The following BLM variants were observed in gnomAD, a reference collection of about 807,000 sequenced individuals.
The protein encoded by BLM is BLM RecQ like helicase, also known as recQ-like DNA helicase BLM.
In BLM, 95 loss-of-function variants were observed where a neutral mutation model predicts 135.3. The observed-to-expected ratio is 0.70, with a 90% confidence interval of 0.59 to 0.83. The LOEUF (loss-of-function observed/expected upper bound fraction) is 0.83, where lower values mean the gene tolerates loss of function less well. Ranked by LOEUF, BLM falls within the 40% of genes least tolerant of loss-of-function variation. The probability of loss-of-function intolerance (pLI) is 0.00; values close to 1 mark genes in which losing one functional copy is unlikely to be tolerated. For missense variants in BLM, 1,518 were observed against 1,663.9 expected (o/e 0.91, Z 1.53); for synonymous variants, 520 against 589.2 (o/e 0.88, Z 1.70).
At position 90,815,629 on chromosome 15, in the gene BLM, C is replaced by T. The variant is rs2029895657; in HGVS notation, c.*350C>T. The T allele has an allele frequency of 3.3e-6, 1 of 302,376 alleles. No homozygotes were observed. Among genetic ancestry groups the T allele is most frequent in the Non-Finnish European group, 6.2e-6 (1 of 160,670 alleles). 18.7% of individuals were successfully genotyped at this position (302,376 alleles called of 1,614,324 possible). ...AACTAAAGCTTTTCGTGTAAGACAA[C>T]ACAAACAAAATTTAAAGACAAATGA... On this transcript the variant is annotated 3_prime_UTR_variant, in exon 22 of 22. Coordinates refer to ENST00000355112, the MANE Select transcript of BLM (RefSeq NM_000057.4). The surrounding 1 kb of genome is among the most constrained non-coding windows in gnomAD (Gnocchi z 4.6).
intron 19 of BLM, 131 bp downstream of exon 19, chr15:90,804,490 G>T (rs1371124135): frequency 1.0e-6 from 1 of 996,806 alleles, no homozygotes; most frequent in South Asian, 1.3e-5. Flanking sequence ...TTGAGACGGG[G>T]TCTCGCTGTG....
In BLM at chr15:90,807,318, G is replaced by A. The variant is rs1422949167; in HGVS notation, c.3752-1819G>A. Among the ~76,000 whole-genome samples, 5 of 152,204 alleles carry A rather than the reference G, an allele frequency of 3.3e-5. No homozygotes were observed. The South Asian group carries it at 8.3e-4, about 25-fold the overall frequency. ...CATCTTCTTTCTTAGGTCACGTAAA[G>A]CACTTGGTTGTACTTGCGAGAAACT... On this transcript the variant is annotated intron_variant, in intron 19 of 21. Coordinates refer to ENST00000355112, the MANE Select transcript of BLM (RefSeq NM_000057.4).
At chr15:90,752,310 G>A (rs1287814427) in intron 4 of BLM, among the ~76,000 whole-genome samples, 1 of 152,034 alleles carries the variant, frequency 6.6e-6, no homozygotes, top group East Asian at 1.9e-4. Context: ...CAGGTAGCTG[G>A]AACTACAGGT....
At chr15:90,737,118 T>C (rs1276638520) in intron 1 of BLM, among the ~76,000 whole-genome samples, 1 of 151,950 alleles carries the variant, frequency 6.6e-6, no homozygotes, top group East Asian at 1.9e-4. Context: ...TATAGTACTT[T>C]AATTATGTAC....
At chr15:90,730,606 C>T (rs1596201147) in intron 1 of BLM, among the ~76,000 whole-genome samples, 2 of 149,812 alleles carry the variant, frequency 1.3e-5, no homozygotes, top group Admixed American at 6.6e-5. Flanking sequence ...CGTCACTGCG[C>T]CCAGCTAATT....
chr15:90,783,469 A>T (rs1256011896), intron 13 of BLM, among the ~76,000 whole-genome samples: 1 of 152,228 alleles, frequency 6.6e-6, no homozygotes, highest in East Asian at 1.9e-4. Flanking sequence ...TCCCCCAGGC[A>T]GCTAATGTCA....
chr15:90,760,704 G>T lies in BLM; in HGVS notation c.1331G>T (p.Cys444Phe), dbSNP rs1555419834. Reference sequence around the variant, plus strand: ...GATGGCCCTATGGAGGGTGATTCCTGCCCTACAGGGAATTCTATGAAGGAG... The same window carrying T: ...GATGGCCCTATGGAGGGTGATTCCTTCCCTACAGGGAATTCTATGAAGGAG... The part of the protein sequence containing the change: ...SLDGPMEGDS[C>F]PTGNSMKELN... Residue 444 changes from cysteine (C) to phenylalanine (F), a missense_variant, in exon 7 of 22, where the codon TGC becomes TTC. By Grantham distance (205) the Cys-to-Phe change is radical. This residue lies in a region of BLM where 724 missense variants were observed against 756.9 expected (regional missense o/e 0.96). Transcript: ENST00000355112. The T allele has an allele frequency of 2.5e-6, 4 of 1,614,066 alleles. No individual in the cohort carries two copies. Among genetic ancestry groups the T allele is most frequent in the Non-Finnish European group, 3.4e-6 (4 of 1,179,944 alleles).
intron 10 of BLM, 100 bp downstream of exon 10, chr15:90,767,123 T>G (rs1896155864): frequency 1.4e-5 from 10 of 721,530 alleles, no homozygotes. Context: ...TGCAAAGAAT[T>G]TTTGTACAAC....
chr15:90,763,188 A>AATCCCCCTCTG, intron 8 of BLM, 31 bp downstream of exon 8: 2 of 1,603,238 alleles, frequency 1.2e-6, no homozygotes, highest in Non-Finnish European at 1.7e-6. Context: ...ATTGGCAGGA[A>AATCCCCCTCTG]TCCATTGGCA....
intron 1 of BLM, among the ~76,000 whole-genome samples, chr15:90,718,193 C>A (rs945840873): frequency 1.3e-5 from 2 of 152,114 alleles, no homozygotes; most frequent in African/African-American, 4.8e-5. Flanking sequence ...GTTATCATTA[C>A]CCAGAGAAGC....
intron 1 of BLM, among the ~76,000 whole-genome samples, chr15:90,739,302 C>T (rs537134474): frequency 2.6e-5 from 4 of 151,888 alleles, no homozygotes; most frequent in African/African-American, 7.3e-5. Flanking sequence ...TCAGGAGGCT[C>T]GGGCAGGAGA....
intron 13 of BLM, among the ~76,000 whole-genome samples, chr15:90,784,702 C>T (rs758584841): frequency 2.0e-5 from 3 of 151,814 alleles, no homozygotes; most frequent in Non-Finnish European, 2.9e-5. Context: ...TCCAGGTCCA[C>T]CTCACGAGTC....
intron 19 of BLM, among the ~76,000 whole-genome samples, chr15:90,805,146 C>CT (rs11370705): frequency 0.65 from 97,432 of 149,572 alleles, 31,881 homozygotes; most frequent in East Asian, 0.82. Flanking sequence ...GAAACTTATT[C>CT]TTTTTTTTTT....
intron 13 of BLM, among the ~76,000 whole-genome samples, chr15:90,784,551 G>C (rs1273053269): frequency 1.3e-5 from 2 of 151,654 alleles, no homozygotes; most frequent in African/African-American, 4.8e-5. Flanking sequence ...GTCCAGGCTG[G>C]TCTCGAACTC....
intron 12 of BLM, among the ~76,000 whole-genome samples, chr15:90,773,501 C>A: frequency 7.1e-6 from 1 of 141,192 alleles, no homozygotes; most frequent in Non-Finnish European, 1.5e-5. Context: ...AAAGTTGACA[C>A]TTCAATGGCC....
At chr15:90,813,143 C>T (rs1320085366) in intron 21 of BLM, among the ~76,000 whole-genome samples, 2 of 152,162 alleles carry the variant, frequency 1.3e-5, no homozygotes, top group African/African-American at 4.8e-5. Context: ...GCCCAGAGCA[C>T]GTTCACTTCT....
chr15:90,761,739 G>A (rs1762626265), intron 7 of BLM, among the ~76,000 whole-genome samples: 1 of 152,184 alleles, frequency 6.6e-6, no homozygotes, highest in African/African-American at 2.4e-5. Flanking sequence ...TCTTAAATCA[G>A]TCAAACTACT....
chr15:90,761,239 A>C lies in BLM; in HGVS notation c.1866A>C (p.Ser622=). Residue 622 remains serine (S), a synonymous_variant, in exon 7 of 22, where the codon TCA becomes TCC. Coordinates refer to ENST00000355112, the MANE Select transcript of BLM (RefSeq NM_000057.4). ...STAQNINFSE[S]IQNYTDKSAQ... ...CTCAAAATATAAACTTCTCAGAGTCAATTCAGAATTATACTGGTAAGTTTA... is the reference window on the plus strand; with the variant it reads ...CTCAAAATATAAACTTCTCAGAGTCCATTCAGAATTATACTGGTAAGTTTA... 1 of 1,534,930 alleles carries C rather than the reference A, an allele frequency of 6.5e-7. No individual in the cohort carries two copies. Among genetic ancestry groups the C allele is most frequent in the East Asian group, 2.3e-5 (1 of 43,752 alleles).
intron 2 of BLM, chr15:90,747,788 T>G (rs915843504): frequency 4.8e-5 from 16 of 332,950 alleles, no homozygotes; most frequent in East Asian, 2.6e-4. Flanking sequence ...TTTTGGGGGG[T>G]TTTTTTGTTT....
Sources: allele counts gnomAD v4.1 joint callset (sites outside exome capture counted in the v4.1 genomes callset), GRCh38; gene constraint gnomAD v4.1.1; regional missense constraint gnomAD v4.1.1; non-coding constraint Gnocchi (gnomAD v3.1); transcripts MANE v1.5; gene names NCBI Gene and HGNC (gene_info 2026-07-23, HGNC 2026-07-21).